The following DOCK9 variants were observed in gnomAD, a reference collection of about 807,000 sequenced individuals.
DOCK9 encodes dedicator of cytokinesis protein 9.
DOCK9 carries 89 observed loss-of-function variants against 263.3 expected under a neutral mutation model. The ratio of observed to expected loss-of-function variants is 0.34; its 90% confidence interval spans 0.28 to 0.40. The LOEUF is 0.40. DOCK9 is among the 10% of genes least tolerant of loss of function. The pLI, the probability that DOCK9 is intolerant of heterozygous loss-of-function variation, is 1.00. For missense variants in DOCK9, 2,140 were observed against 2,603.4 expected (o/e 0.82, Z 3.87); for synonymous variants, 976 against 973.1 (o/e 1.00, Z -0.06).
intron 2 of DOCK9, among the ~76,000 whole-genome samples, chr13:98,950,970 C>T (rs1338130309): frequency 6.6e-6 from 1 of 152,220 alleles, no homozygotes; most frequent in Non-Finnish European, 1.5e-5. Context: ...AGGCAGGCGT[C>T]CTGGGCTTGA....
intron 43 of DOCK9, among the ~76,000 whole-genome samples, 174 bp from the exon 44 acceptor site, chr13:98,827,061 A>G (rs1477663994): frequency 6.6e-6 from 1 of 152,252 alleles, no homozygotes; most frequent in Non-Finnish European, 1.5e-5. Flanking sequence ...TCACTCACAT[A>G]AGCTGAAAAT....
Position 98,883,879 on chromosome 13 carries a change from T to C in DOCK9, c.2403A>G (p.Lys801=), listed in dbSNP as rs757183865. The part of the protein sequence containing the change: ...GMGRHYGPEI[K]WVDGGKPLLK... ...GCAGTGGCTTGCCTCCATCTACCCATTTAATTTCCGGACCATAATGCTAAA... is the reference window on the plus strand; with the variant it reads ...GCAGTGGCTTGCCTCCATCTACCCACTTAATTTCCGGACCATAATGCTAAA... The change falls in exon 22 of 53, where the codon AAA becomes AAG. Residue 801 remains lysine, a synonymous_variant. Transcript: ENST00000682017. The C allele has an allele frequency of 1.6e-5, 25 of 1,611,472 alleles. No individual in the cohort carries two copies. The highest frequency in any genetic ancestry group is 1.6e-4 in the Middle Eastern group (1 of 6,080).
chr13:98,844,253 T>C (rs188231905), intron 38 of DOCK9, among the ~76,000 whole-genome samples: 112 of 152,344 alleles, frequency 7.4e-4, no homozygotes, highest in Non-Finnish European at 1.2e-3. Context: ...CAGCTAAGTG[T>C]AGAACTCAGA....
At chr13:99,029,726 T>C (rs1437421230) in intron 1 of DOCK9, among the ~76,000 whole-genome samples, 2 of 152,208 alleles carry the variant, frequency 1.3e-5, no homozygotes, top group Admixed American at 1.3e-4. Flanking sequence ...CATACATTGC[T>C]GACAAAGCCA....
chr13:98,870,615 TG>T (rs1259869456), intron 27 of DOCK9, among the ~76,000 whole-genome samples: 1 of 152,078 alleles, frequency 6.6e-6, no homozygotes, highest in African/African-American at 2.4e-5. Context: ...ACAGGTTGAG[TG>T]GGCACCATGT....
chr13:99,022,641 A>G (rs187762337), intron 1 of DOCK9, among the ~76,000 whole-genome samples: 1 of 152,278 alleles, frequency 6.6e-6, no homozygotes, highest in East Asian at 1.9e-4. Context: ...ATCAAGTTAA[A>G]TAGCTTTTAA....
rs1276057088 is a variant in DOCK9 at position 98,977,214 on chromosome 13, T to A, written c.126+570A>T. On this transcript the variant is annotated intron_variant, in intron 1 of 52. Transcript: ENST00000682017. ...ACAAATGCTGAGAGTTTAGCTGATG[T>A]TAAGAACAGAAACGTTTCTATCAGC... 1.7e-4 allele frequency among the ~76,000 whole-genome samples: 26 copies of A among 152,336 alleles called. No homozygotes were observed. The South Asian group carries it at 5.4e-3, about 32-fold the overall frequency.
At chr13:98,904,760 G>A (rs888099713) in intron 9 of DOCK9, 54 bp from the exon 10 acceptor site, 8 of 1,474,900 alleles carry the variant, frequency 5.4e-6, no homozygotes, top group South Asian at 4.9e-5. Flanking sequence ...TCTTGCAAAG[G>A]TGCCCAAATA....
At chr13:98,964,566 T>C (rs375928541) in intron 1 of DOCK9, among the ~76,000 whole-genome samples, 2 of 152,112 alleles carry the variant, frequency 1.3e-5, no homozygotes, top group Admixed American at 6.5e-5. Flanking sequence ...AACTAATAGA[T>C]ATAAAATTGC....
At chr13:99,085,093 T>C (rs1301334068) in intron 1 of DOCK9, among the ~76,000 whole-genome samples, 2 of 152,216 alleles carry the variant, frequency 1.3e-5, no homozygotes, top group African/African-American at 4.8e-5. Flanking sequence ...CGAAGCTTCA[T>C]CTCCAATCTC....
intron 34 of DOCK9, among the ~76,000 whole-genome samples, chr13:98,854,219 T>G (rs1048664598): frequency 9.1e-6 from 1 of 110,094 alleles, no homozygotes; most frequent in African/African-American, 3.0e-5. Context: ...CAGCAGGTTC[T>G]TGTGGAAAAA....
At chr13:98,920,888 G>T (rs2051863213) in intron 7 of DOCK9, 66 bp downstream of exon 7, 6 of 1,447,204 alleles carry the variant, frequency 4.1e-6, no homozygotes, top group Non-Finnish European at 5.5e-6. Flanking sequence ...GCTTAAATCT[G>T]CTAATTTACA....
intron 1 of DOCK9, among the ~76,000 whole-genome samples, chr13:99,052,195 C>T (rs1044813981): frequency 7.9e-5 from 12 of 152,190 alleles, no homozygotes; most frequent in African/African-American, 2.9e-4. Flanking sequence ...AACATGAAGG[C>T]CCTGCAAGGG....
Position 98,947,410 on chromosome 13 carries a change from TA to T in DOCK9, c.243+8024del, listed in dbSNP as rs35703620. On this transcript the variant is annotated intron_variant, in intron 2 of 52. Coordinates refer to ENST00000682017, the MANE Select transcript of DOCK9 (RefSeq NM_001366683.2). ...TTTTTAAGGACTATGTGATGATAAT[TA>T]AAAAAAAAAATCAATCACTATTTCC... Among the ~76,000 whole-genome samples the T allele has an allele frequency of 1.0e-3, 149 of 148,120 alleles. 2 individuals carry two copies. The highest frequency in any genetic ancestry group is 2.8e-3 in the African/African-American group (115 of 40,352).
chr13:99,014,066 G>A (rs1258324136), intron 1 of DOCK9, among the ~76,000 whole-genome samples: 3 of 152,192 alleles, frequency 2.0e-5, no homozygotes, highest in Non-Finnish European at 2.9e-5. Flanking sequence ...CCAGAGCTCT[G>A]ACAGAGCCCC....
intron 1 of DOCK9, among the ~76,000 whole-genome samples, chr13:99,080,010 A>G (rs987385154): frequency 6.6e-6 from 1 of 152,256 alleles, no homozygotes; most frequent in African/African-American, 2.4e-5. Context: ...ACTGCACTCC[A>G]GCCTGGGTGA....
intron 1 of DOCK9, among the ~76,000 whole-genome samples, chr13:98,995,877 T>C (rs1489759805): frequency 6.6e-6 from 1 of 152,144 alleles, no homozygotes; most frequent in Non-Finnish European, 1.5e-5. Context: ...AAATAGCATG[T>C]GCAAAGGCCC....
At chr13:99,001,807 C>G (rs1402956705) in intron 1 of DOCK9, among the ~76,000 whole-genome samples, 1 of 152,242 alleles carries the variant, frequency 6.6e-6, no homozygotes, top group Non-Finnish European at 1.5e-5. Context: ...GGGGCTCCCC[C>G]TATGGTCTCG....
At chr13:99,048,847 C>T (rs1295061616) in intron 1 of DOCK9, among the ~76,000 whole-genome samples, 1 of 152,090 alleles carries the variant, frequency 6.6e-6, no homozygotes, top group Non-Finnish European at 1.5e-5. Flanking sequence ...GACTTCACAC[C>T]AAAAAGCGAA....
Sources: allele counts gnomAD v4.1 joint callset (sites outside exome capture counted in the v4.1 genomes callset), GRCh38; gene constraint gnomAD v4.1.1; transcripts MANE v1.5; gene names NCBI Gene and HGNC (gene_info 2026-07-23, HGNC 2026-07-21).